Variants in HDAC6 observed in about 807,000 individuals in gnomAD.
HDAC6 encodes the protein protein deacetylase HDAC6.
HDAC6 carries 5 observed loss-of-function variants against 88.9 expected under a neutral mutation model. The observed-to-expected ratio is 0.06, with a 90% CI of 0.03 to 0.12. HDAC6 has a LOEUF of 0.12. Among genes scored for constraint, HDAC6 ranks in the 10% least tolerant of loss-of-function variants. The pLI, the probability that HDAC6 is intolerant of heterozygous loss-of-function variation, is 1.00. For synonymous variants in HDAC6, 378 were observed against 398.0 expected (o/e 0.95, Z 0.60); for missense variants, 706 against 1,014.4 (o/e 0.70, Z 4.13).
chrX:48,803,533 A>G (rs1191467900), intron 4 of HDAC6: 2 of 245,469 alleles, frequency 8.1e-6, no homozygotes, highest in African/African-American at 5.6e-5. Flanking sequence ...GACAGACTTA[A>G]GACCAGGGGA....
intron 6 of HDAC6, 157 bp from the exon 7 acceptor site, chrX:48,806,211 G>T (rs976000863): frequency 1.4e-5 from 6 of 441,089 alleles, no homozygotes; most frequent in Non-Finnish European, 2.0e-5. Flanking sequence ...GAACTGAGGC[G>T]GGCTAGGGAA....
chrX:48,808,347 A>G (rs781919186), intron 10 of HDAC6, 21 bp downstream of exon 10: 40 of 1,149,063 alleles, frequency 3.5e-5, no homozygotes, highest in Middle Eastern at 2.4e-4. Context: ...ACTCCCACCT[A>G]GGTGCTAGAC....
chrX:48,803,121 T>A lies in HDAC6; in HGVS notation c.223-7T>A. The A allele has an allele frequency of 8.3e-7, 1 of 1,205,599 alleles. No homozygotes were observed. The highest frequency in any genetic ancestry group is 1.1e-6 in the Non-Finnish European group (1 of 891,095). On this transcript the variant is annotated splice_polypyrimidine_tract_variant and splice_region_variant and intron_variant, in intron 3 of 28. Coordinates refer to ENST00000334136, the MANE Select transcript of HDAC6 (RefSeq NM_006044.4). ...GATCTGTGTCTCCTTTTTTTTTTCC[T>A]CTGCAGGATCTGAACCTTGAGGCTG...
chrX:48,815,598 C>T lies in HDAC6; in HGVS notation c.1280C>T (p.Ala427Val). 1 of 1,211,054 alleles carries T rather than the reference C, an allele frequency of 8.3e-7. No homozygotes were observed. Among genetic ancestry groups the T allele is most frequent in the Non-Finnish European group, 1.1e-6 (1 of 894,874 alleles). ...CRSAQASVSC[A>V]LEALEPFWEV... is the part of the protein sequence containing the mutation. ...AGTGCCCAGGCTTCAGTTTCCTGTG[C>T]TCTGGAAGCCCTTGAGCCCTTCTGG... Residue 427 changes from alanine to valine, a missense_variant, in exon 16 of 29, where the codon GCT becomes GTT. By Grantham distance (64) the Ala-to-Val change is moderately conservative (BLOSUM62 0). Transcript: ENST00000334136.
Position 48,815,933 on chromosome X carries a change from C to A in HDAC6, c.1374C>A (p.Ser458Arg). ...TGGAGGAGGACAATGTAGAGGAGAGCGAGGAGGAAGGACCCTGGGAGCCCC... is the reference window on the plus strand; with the variant it reads ...TGGAGGAGGACAATGTAGAGGAGAGAGAGGAGGAAGGACCCTGGGAGCCCC... ...DNMEEDNVEE[S>R]EEEGPWEPPV... The change falls in exon 17 of 29, where the codon AGC (serine) becomes AGA (arginine). Residue 458 changes from serine to arginine, a missense_variant. This residue lies in a region of HDAC6 where 106 missense variants were observed against 135.1 expected (regional missense o/e 0.78). Transcript: ENST00000334136. 8.3e-7 allele frequency: 1 copy of A among 1,210,642 alleles called. No individual in the cohort carries two copies.
chrX:48,816,129 C>G lies in HDAC6; in HGVS notation c.1494-12C>G. 4.1e-6 allele frequency: 5 copies of G among 1,211,222 alleles called. No homozygotes were observed. Among genetic ancestry groups the G allele is most frequent in the Middle Eastern group, 2.3e-4 (1 of 4,354 alleles). On this transcript the variant is annotated splice_polypyrimidine_tract_variant and intron_variant, in intron 17 of 28. Coordinates refer to ENST00000334136, the MANE Select transcript of HDAC6 (RefSeq NM_006044.4). ...GGCACTAAGCCTCTACCTCTCGTTT[C>G]CCCACTGCTAGCCACCACCCTGAGG...
chrX:48,823,446 C>G lies in HDAC6; in HGVS notation c.3047C>G (p.Thr1016Ser). 8.3e-7 allele frequency: 1 copy of G among 1,210,708 alleles called. No homozygotes were observed. Among genetic ancestry groups the G allele is most frequent in the Non-Finnish European group, 1.1e-6 (1 of 895,000 alleles). The change falls in exon 25 of 29, where the codon ACC becomes AGC. Residue 1016 changes from threonine to serine, a missense_variant. By Grantham distance (58) the Thr-to-Ser change is moderately conservative. Around this residue, in one of 9 missense-constraint regions of HDAC6, gnomAD observed 112 missense variants for 95.1 expected, o/e 1.18. Transcript: ENST00000334136. ...QTTSEEAPGG[T>S]ELIQTPLASS... ...ACGTCAGAGGAGGCTCCAGGGGGCA[C>G]CGAGCTGATCCAAACTCCTCTAGCC... is the stretch of plus-strand genomic sequence containing the variant.
At chrX:48,809,823 A>G (rs1405627851) in intron 10 of HDAC6, among the ~76,000 whole-genome samples, 1 of 108,641 alleles carries the variant, frequency 9.2e-6, no homozygotes, top group African/African-American at 3.4e-5. Flanking sequence ...AAAGTTTAGG[A>G]TTTTACAGCA....
At chrX:48,813,175 C>A (rs1277168805) in intron 10 of HDAC6, among the ~76,000 whole-genome samples, 1 of 112,644 alleles carries the variant, frequency 8.9e-6, no homozygotes, top group Non-Finnish European at 1.9e-5. Flanking sequence ...TCCCAAAGTG[C>A]TGGGATTACA....
intron 19 of HDAC6, 136 bp downstream of exon 19, chrX:48,816,769 T>TGGGGCAGGGGGGGGGGG: frequency 5.4e-6 from 1 of 185,592 alleles, no homozygotes. Context: ...CGGGAGGGGG[T>TGGGGCAGGGGGGGGGGG]GGGCCTAGAG....
chrX:48,803,692 A>G (rs1463986700), intron 4 of HDAC6, among the ~76,000 whole-genome samples: 1 of 111,955 alleles, frequency 8.9e-6, no homozygotes, highest in African/African-American at 3.3e-5. Flanking sequence ...TTTTGGCTAT[A>G]TGTTCAAAAT....
Position 48,816,511 on chromosome X carries a change from C to A in HDAC6, c.1669C>A (p.Arg557=), listed in dbSNP as rs782310288. The A allele has an allele frequency of 8.3e-7, 1 of 1,208,717 alleles. No homozygotes were observed. The highest frequency in any genetic ancestry group is 2.3e-4 in the Middle Eastern group (1 of 4,351). The change falls in exon 19 of 29, where the codon CGG becomes AGG. Residue 557 remains arginine, a synonymous_variant. Coordinates refer to ENST00000334136, the MANE Select transcript of HDAC6 (RefSeq NM_006044.4). Reference sequence around the variant, plus strand: ...CCGGGCCACAGAGAAAATGAAAACCCGGGAGCTGCACCGTGAGAGTTCCAA... The same window carrying A: ...CCGGGCCACAGAGAAAATGAAAACCAGGGAGCTGCACCGTGAGAGTTCCAA... ...HLRATEKMKT[R]ELHRESSNFD...
intron 19 of HDAC6, chrX:48,816,971 C>T (rs1242605465): frequency 4.9e-5 from 13 of 264,199 alleles, no homozygotes; most frequent in Admixed American, 1.3e-4. Context: ...AAAAAAGGTC[C>T]GGGCGTGATG....
At position 48,823,618 on chromosome X, in the gene HDAC6, A is replaced by C. The variant is rs372128626; in HGVS notation, c.3189+30A>C. ...GGCTCACCACACCCAGGTAGGGGCA[A>C]GAAGGGGCAAGAATCGGGCTTCTCT... On this transcript the variant is annotated intron_variant, in intron 25 of 28. Transcript: ENST00000334136. The C allele has an allele frequency of 1.7e-5, 20 of 1,191,428 alleles. No homozygotes were observed. The African/African-American group carries it at 3.4e-4, about 20-fold the overall frequency.
chrX:48,817,463 AG>A lies in HDAC6; in HGVS notation c.1925+6del. Reference sequence around the variant, plus strand: ...CTATCAGTGGGCATGCCCTACGGTAAGGACTCCCTGGGGACCCCCCAAATCC... The same window carrying A: ...CTATCAGTGGGCATGCCCTACGGTAAGACTCCCTGGGGACCCCCCAAATCC... On this transcript the variant is annotated splice_donor_5th_base_variant and intron_variant, in intron 20 of 28. Transcript: ENST00000334136. 8.3e-7 allele frequency: 1 copy of A among 1,206,314 alleles called. No individual in the cohort carries two copies. Among genetic ancestry groups the A allele is most frequent in the Non-Finnish European group, 1.1e-6 (1 of 893,266 alleles).
chrX:48,804,504 C>T (rs781838587), intron 4 of HDAC6, among the ~76,000 whole-genome samples: 1 of 112,368 alleles, frequency 8.9e-6, no homozygotes, highest in Non-Finnish European at 1.9e-5. Flanking sequence ...TTTTCCTAGC[C>T]CATGACATTG....
chrX:48,822,646 A>G lies in HDAC6; in HGVS notation c.2364A>G (p.Ser788=). 1 of 1,198,854 alleles carries G rather than the reference A, an allele frequency of 8.3e-7. No homozygotes were observed. The highest frequency in any genetic ancestry group is 1.1e-6 in the Non-Finnish European group (1 of 887,524). ...LEGGYNLTSI[S]ESMAACTRSL... ...GTGGCTATAACCTGACATCCATCTC[A>G]GAGTCCATGGCTGCCTGCACTCGCT... The change falls in exon 24 of 29, where the codon TCA becomes TCG. Residue 788 remains serine, a synonymous_variant. Transcript: ENST00000334136.
chrX:48,801,647 A>G (rs1336724097), upstream of HDAC6: 2 of 254,260 alleles, frequency 7.9e-6, no homozygotes, highest in East Asian at 1.4e-4. Context: ...CAGCTGGCGT[A>G]GCACGCCGAC....
chrX:48,818,501 C>A, intron 22 of HDAC6, 89 bp downstream of exon 22: 1 of 773,941 alleles, frequency 1.3e-6, no homozygotes, highest in Non-Finnish European at 1.8e-6. Flanking sequence ...GTGTGTGTGA[C>A]TACCATGTGG....
Sources: gnomAD v4.1 joint callset for allele counts (sites outside exome capture counted in the v4.1 genomes callset) on GRCh38, gnomAD v4.1.1 for gene constraint, gnomAD v4.1.1 regional missense constraint, MANE v1.5 for transcripts, NCBI Gene and HGNC (gene_info 2026-07-23, HGNC 2026-07-21) for gene names.